HVCN1: variants seen among roughly 807,000 people sequenced by gnomAD.
HVCN1 encodes the protein hydrogen voltage gated channel 1, also known as voltage-gated hydrogen channel 1.
HVCN1 carries 14 observed loss-of-function variants against 29.2 expected under a neutral mutation model. That is an observed-to-expected ratio of 0.48 (90% CI 0.32 to 0.75). HVCN1 has a LOEUF of 0.75. HVCN1 is among the 30% of genes least tolerant of loss of function. The probability of loss-of-function intolerance (pLI) is 0.04; values close to 1 mark genes in which losing one functional copy is unlikely to be tolerated. For synonymous variants in HVCN1, 131 were observed against 133.2 expected (o/e 0.98, Z 0.11); for missense variants, 263 against 341.8 (o/e 0.77, Z 1.82).
In HVCN1 at chr12:110,676,536, T is replaced by C. The variant is rs1276358796; in HGVS notation, c.21+6689A>G. Among the ~76,000 whole-genome samples, 1 of 152,188 alleles carries C rather than the reference T, an allele frequency of 6.6e-6. No homozygotes were observed. Among genetic ancestry groups the C allele is most frequent in the East Asian group, 1.9e-4 (1 of 5,174 alleles). ...TTTATGCTGAACTCCTACTTTCATT[T>C]GGAGAGTATGGAATTTTTCTAAGTG... On this transcript the variant is annotated intron_variant, in intron 3 of 7. Coordinates refer to ENST00000242607, the MANE Select transcript of HVCN1 (RefSeq NM_032369.4). This position sits in a 1 kb window ranked among gnomAD's most constrained non-coding sequence, Gnocchi z 4.1.
At chr12:110,673,764 G>T (rs1379998427) in intron 3 of HVCN1, among the ~76,000 whole-genome samples, 3 of 152,248 alleles carry the variant, frequency 2.0e-5, no homozygotes, top group Non-Finnish European at 4.4e-5. Flanking sequence ...GTGCACAGAA[G>T]TCAAGAATTG....
intron 3 of HVCN1, among the ~76,000 whole-genome samples, chr12:110,662,836 G>A (rs1478948969): frequency 1.3e-5 from 2 of 152,032 alleles, no homozygotes; most frequent in African/African-American, 4.8e-5. Flanking sequence ...CTACAGACTG[G>A]GATAAATATT....
intron 6 of HVCN1, 63 bp from the exon 7 acceptor site, chr12:110,650,343 C>T: frequency 9.9e-7 from 1 of 1,006,438 alleles, no homozygotes; most frequent in Non-Finnish European, 1.6e-6. Context: ...GGAAAAAAAT[C>T]TGTATTCTTA....
intron 2 of HVCN1, among the ~76,000 whole-genome samples, chr12:110,683,928 A>G (rs1054369777): frequency 3.9e-5 from 4 of 102,490 alleles, no homozygotes; most frequent in African/African-American, 1.3e-4. Context: ...AAAAAAAAGG[A>G]AAAAAAAAAA....
At chr12:110,690,502 G>A (rs1593546763), upstream of HVCN1, among the ~76,000 whole-genome samples, 1 of 151,774 alleles carries the variant, frequency 6.6e-6, no homozygotes, top group Non-Finnish European at 1.5e-5. Flanking sequence ...TTTTTGGAAC[G>A]GAGTCTCACT....
chr12:110,690,562 C>T (rs1323044138), upstream of HVCN1, among the ~76,000 whole-genome samples: 4 of 152,076 alleles, frequency 2.6e-5, no homozygotes, highest in East Asian at 7.7e-4. Context: ...CTGCAACCTC[C>T]GCCTCCTGGG....
intron 4 of HVCN1, among the ~76,000 whole-genome samples, chr12:110,656,828 CA>C (rs1221519074): frequency 2.0e-5 from 3 of 152,150 alleles, no homozygotes; most frequent in African/African-American, 7.2e-5. Flanking sequence ...ATGAAGTTTT[CA>C]CACATATTCA....
chr12:110,663,436 C>T (rs1015990305), intron 3 of HVCN1, among the ~76,000 whole-genome samples: 1 of 151,172 alleles, frequency 6.6e-6, no homozygotes, highest in Non-Finnish European at 1.5e-5. Context: ...ACCCTGTCTG[C>T]AGAAAAATAA....
intron 2 of HVCN1, among the ~76,000 whole-genome samples, chr12:110,702,113 C>G (rs1420232115): frequency 6.6e-6 from 1 of 151,464 alleles, no homozygotes; most frequent in Non-Finnish European, 1.5e-5. Context: ...TCTAACACAT[C>G]ACAGGCACAC....
upstream of HVCN1, among the ~76,000 whole-genome samples, chr12:110,693,560 C>T (rs550747122): frequency 2.5e-4 from 38 of 150,518 alleles, no homozygotes; most frequent in African/African-American, 7.8e-4. Context: ...AAAAAAAAAA[C>T]GGAAAAAAAA....
At chr12:110,703,101 T>A (rs1185650009) in intron 1 of HVCN1, among the ~76,000 whole-genome samples, 3 of 148,098 alleles carry the variant, frequency 2.0e-5, no homozygotes, top group African/African-American at 5.0e-5. Context: ...TAAACTATTT[T>A]AAAAAATGCA....
At chr12:110,696,283 A>G (rs1340638571) in intron 2 of HVCN1, among the ~76,000 whole-genome samples, 2 of 152,182 alleles carry the variant, frequency 1.3e-5, no homozygotes, top group Non-Finnish European at 2.9e-5. Flanking sequence ...CAAAAAATGT[A>G]GTAAAATACA....
chr12:110,648,729 G>A lies in HVCN1; in HGVS notation c.*681C>T, dbSNP rs201861582. On this transcript the variant is annotated 3_prime_UTR_variant, in exon 8 of 8. Transcript: ENST00000242607. ...AGGCACTGTAGCTAGCTTGCTCTCC[G>A]ACTGGCAGGCTGGTATGGGTGCCAC... 4.1e-6 allele frequency: 1 copy of A among 244,346 alleles called. No individual in the cohort carries two copies. The highest frequency in any genetic ancestry group is 8.0e-6 in the Non-Finnish European group (1 of 125,660). 15.1% of individuals were successfully genotyped at this position (244,346 alleles called of 1,614,324 possible). A position where few individuals can be genotyped will look rare whatever the true frequency, so the allele number is the denominator to read the frequency against.
At chr12:110,696,144 G>T (rs1193219855) in intron 2 of HVCN1, among the ~76,000 whole-genome samples, 1 of 151,664 alleles carries the variant, frequency 6.6e-6, no homozygotes, top group Non-Finnish European at 1.5e-5. Flanking sequence ...AGTTGAGATG[G>T]GGTTTTGTCA....
chr12:110,678,477 G>T (rs1411860803), intron 3 of HVCN1, among the ~76,000 whole-genome samples: 1 of 112,808 alleles, frequency 8.9e-6, no homozygotes, highest in Non-Finnish European at 1.7e-5. Context: ...TTGAGACAGG[G>T]TCTCACTCTG....
At chr12:110,695,371 T>TACAC (rs59165683) in intron 2 of HVCN1, among the ~76,000 whole-genome samples, 1,783 of 148,048 alleles carry the variant, frequency 0.012, 24 homozygotes, top group African/African-American at 0.025. Context: ...TTATTTTGTG[T>TACAC]ACACACACAC....
At position 110,695,528 on chromosome 12, in the gene HVCN1, C is replaced by T. The variant is rs527781699; in HGVS notation, c.-104+6781G>A. Among the ~76,000 whole-genome samples the T allele has an allele frequency of 2.0e-5, 3 of 152,122 alleles. No individual in the cohort carries two copies. The South Asian group carries it at 6.2e-4, about 32-fold the overall frequency. The stretch of plus-strand genomic sequence containing the variant: ...ATGTGATCACGCCACTGCACTCCAG[C>T]CTGGGTGACAGAGTGGGACCCTGTC... On this transcript the variant is annotated intron_variant, in intron 2 of 4. Transcript: ENST00000546713.
Position 110,651,198 on chromosome 12 carries a change from G to A in HVCN1, c.643+19C>T. 6.4e-7 allele frequency: 1 copy of A among 1,565,952 alleles called. No homozygotes were observed. Among genetic ancestry groups the A allele is most frequent in the Non-Finnish European group, 8.8e-7 (1 of 1,136,472 alleles). ...GGCCCCTACTCTCCATCCACAGCCT[G>A]GGAGTGCAGGAGACGTACCATTGAT... On this transcript the variant is annotated intron_variant, in intron 6 of 7. Transcript: ENST00000242607.
intron 3 of HVCN1, among the ~76,000 whole-genome samples, chr12:110,663,587 C>CAAAAAAA (rs1182792368): frequency 7.7e-5 from 2 of 25,830 alleles, no homozygotes; most frequent in African/African-American, 2.3e-4. Context: ...GACGCTGTCT[C>CAAAAAAA]AAAAAAAAAA....
Sources: allele counts gnomAD v4.1 joint callset (sites outside exome capture counted in the v4.1 genomes callset), GRCh38; gene constraint gnomAD v4.1.1; non-coding constraint Gnocchi (gnomAD v3.1); transcripts MANE v1.5; gene names NCBI Gene and HGNC (gene_info 2026-07-23, HGNC 2026-07-21).